IL1RAPL1: variants seen among roughly 807,000 people sequenced by gnomAD.
IL1RAPL1 encodes interleukin 1 receptor accessory protein like 1.
IL1RAPL1 carries 3 observed loss-of-function variants against 48.4 expected under a neutral mutation model. The observed-to-expected ratio is 0.06, with a 90% CI of 0.03 to 0.16. The LOEUF is 0.16. IL1RAPL1 is among the 10% of genes least tolerant of loss of function. IL1RAPL1 has a pLI of 1.00. For missense variants in IL1RAPL1, 349 were observed against 530.6 expected, an observed-to-expected ratio of 0.66 and a Z score of 3.36; for synonymous variants, 185 against 187.7, an observed-to-expected ratio of 0.99 and a Z score of 0.12.
At chrX:29,757,901 G>A (rs1249375447) in intron 6 of IL1RAPL1, among the ~76,000 whole-genome samples, 3 of 111,034 alleles carry the variant, frequency 2.7e-5, no homozygotes, top group Admixed American at 9.6e-5. Context: ...TCTTATAGAC[G>A]GAGGAAGAAG....
intron 2 of IL1RAPL1, among the ~76,000 whole-genome samples, chrX:29,069,672 C>A (rs1927524573): frequency 1.8e-5 from 2 of 109,524 alleles, no homozygotes; most frequent in Non-Finnish European, 3.8e-5. Context: ...CACACACACC[C>A]CTCCCCTTCA....
intron 9 of IL1RAPL1, among the ~76,000 whole-genome samples, chrX:29,946,199 T>A (rs1302537216): frequency 8.9e-6 from 1 of 112,373 alleles, no homozygotes; most frequent in Non-Finnish European, 1.9e-5. Flanking sequence ...TCCTTCACAT[T>A]CTAACAGAAT....
At chrX:28,796,672 C>T (rs185759103) in intron 2 of IL1RAPL1, among the ~76,000 whole-genome samples, 1 of 111,443 alleles carries the variant, frequency 9.0e-6, no homozygotes, top group Non-Finnish European at 1.9e-5. Flanking sequence ...TTGCAGGGTA[C>T]AGCCTCCCTC....
At chrX:29,027,898 A>G (rs2097158967) in intron 2 of IL1RAPL1, among the ~76,000 whole-genome samples, 1 of 108,563 alleles carries the variant, frequency 9.2e-6, no homozygotes, top group Non-Finnish European at 1.9e-5. Context: ...TTGTTTTTCC[A>G]TTGTTGAGTT....
intron 5 of IL1RAPL1, among the ~76,000 whole-genome samples, chrX:29,660,520 G>A (rs1453178453): frequency 9.0e-6 from 1 of 111,482 alleles, no homozygotes; most frequent in African/African-American, 3.3e-5. Flanking sequence ...TTTGTATATG[G>A]TAAAAGATGG....
intron 2 of IL1RAPL1, among the ~76,000 whole-genome samples, chrX:29,171,579 A>G (rs1337556618): frequency 8.9e-6 from 1 of 112,041 alleles, no homozygotes; most frequent in Non-Finnish European, 1.9e-5. Flanking sequence ...GTAACACTTT[A>G]TAAGGCAAAA....
At chrX:29,655,037 C>T (rs767540918) in intron 5 of IL1RAPL1, among the ~76,000 whole-genome samples, 5 of 111,383 alleles carry the variant, frequency 4.5e-5, no homozygotes, top group Non-Finnish European at 7.5e-5. Context: ...TTTCAGTCCA[C>T]TATCATAATG....
At chrX:28,597,806 G>C (rs528586829) in intron 1 of IL1RAPL1, among the ~76,000 whole-genome samples, 1 of 110,434 alleles carries the variant, frequency 9.1e-6, no homozygotes, top group Admixed American at 9.8e-5. Context: ...TTTAACATTA[G>C]CTTTTACTTT....
chrX:29,234,360 C>T (rs778014456), intron 2 of IL1RAPL1, among the ~76,000 whole-genome samples: 1 of 111,661 alleles, frequency 9.0e-6, no homozygotes, highest in East Asian at 2.8e-4. Flanking sequence ...ATGAAGCTCT[C>T]TTAGCTCATC....
chrX:29,011,877 C>T (rs1269679071), intron 2 of IL1RAPL1, among the ~76,000 whole-genome samples: 1 of 112,325 alleles, frequency 8.9e-6, no homozygotes, highest in East Asian at 2.8e-4. Flanking sequence ...TGTATTATTG[C>T]ATGTTTTAAA....
chrX:28,919,121 C>T (rs1230853277), intron 2 of IL1RAPL1, among the ~76,000 whole-genome samples: 3 of 111,196 alleles, frequency 2.7e-5, no homozygotes, highest in South Asian at 3.8e-4. Context: ...TCAATAACTG[C>T]GCGAGTGATA....
intron 5 of IL1RAPL1, among the ~76,000 whole-genome samples, chrX:29,601,402 T>G (rs1011328663): frequency 8.9e-6 from 1 of 112,252 alleles, no homozygotes. Context: ...TATTAATTAT[T>G]AAGCATAAAT....
chrX:29,891,086 C>T (rs1324745583), intron 6 of IL1RAPL1, among the ~76,000 whole-genome samples: 1 of 111,911 alleles, frequency 8.9e-6, no homozygotes, highest in Non-Finnish European at 1.9e-5. Context: ...TGGAGCACCA[C>T]CAGTGCTGCC....
At chrX:28,672,236 T>G (rs2146914899) in intron 1 of IL1RAPL1, among the ~76,000 whole-genome samples, 1 of 111,122 alleles carries the variant, frequency 9.0e-6, no homozygotes, top group African/African-American at 3.3e-5. Flanking sequence ...AAAAAAAAAA[T>G]AAAATTAGGG....
intron 2 of IL1RAPL1, among the ~76,000 whole-genome samples, chrX:29,082,048 T>C (rs1261485417): frequency 8.9e-6 from 1 of 111,934 alleles, no homozygotes; most frequent in African/African-American, 3.2e-5. Flanking sequence ...ATGGAATTTC[T>C]CTAACAGACT....
At chrX:28,761,195 C>T (rs769436761) in intron 1 of IL1RAPL1, among the ~76,000 whole-genome samples, 1 of 110,704 alleles carries the variant, frequency 9.0e-6, no homozygotes, top group African/African-American at 3.3e-5. Context: ...ATTGTGGGAG[C>T]AGCTTGGAGA....
chrX:29,252,215 T>A (rs1449436346), intron 2 of IL1RAPL1, among the ~76,000 whole-genome samples: 1 of 111,340 alleles, frequency 9.0e-6, no homozygotes, highest in African/African-American at 3.4e-5. Context: ...TGTATACATA[T>A]GTAACTAACC....
chrX:28,660,114 T>C (rs1934804031), intron 1 of IL1RAPL1, among the ~76,000 whole-genome samples: 1 of 104,629 alleles, frequency 9.6e-6, no homozygotes, highest in Admixed American at 1.0e-4. Flanking sequence ...TGTGTGTGTG[T>C]GTGTGTGTGT....
chrX:29,494,004 T>C (rs1054657131), intron 5 of IL1RAPL1, among the ~76,000 whole-genome samples: 1 of 111,046 alleles, frequency 9.0e-6, no homozygotes, highest in South Asian at 3.8e-4. Context: ...AAGTGACTCC[T>C]CTGCCTCAGC....
Sources: gnomAD v4.1 joint callset for allele counts (sites outside exome capture counted in the v4.1 genomes callset) on GRCh38, gnomAD v4.1.1 for gene constraint, MANE v1.5 for transcripts, NCBI Gene and HGNC (gene_info 2026-07-23, HGNC 2026-07-21) for gene names.